The following UMAD1 variants were observed in gnomAD, a reference collection of about 807,000 sequenced individuals.
UMAD1 encodes the protein UBAP1-MVB12-associated (UMA)-domain containing protein 1.
Under a neutral mutation model 6.1 loss-of-function variants are expected in UMAD1, and 8 were observed. The ratio of observed to expected loss-of-function variants is 1.30; its 90% CI spans 0.76 to 2.35. UMAD1 has a LOEUF of 2.35. UMAD1 is among the 30% of genes most tolerant of loss of function. UMAD1 has a pLI of 0.00. For synonymous variants in UMAD1, 56 were observed against 31.4 expected (o/e 1.78, Z -2.61); for missense variants, 130 against 78.4 (o/e 1.66, Z -2.49).
chr7:7,671,287 G>A (rs1298256191), intron 1 of UMAD1, among the ~76,000 whole-genome samples: 1 of 152,096 alleles, frequency 6.6e-6, no homozygotes, highest in Non-Finnish European at 1.5e-5. Context: ...TCACCTCTGT[G>A]CATGCCCCCC....
rs1475414316 is a variant in UMAD1, at chr7:7,878,752, T to C, written c.*1214T>C. 1.3e-5 allele frequency: 2 copies of C among 152,222 alleles called. No homozygotes were observed. The highest frequency in any genetic ancestry group is 3.8e-4 in the East Asian group (2 of 5,200). The allele number at this position is 152,222 out of a possible 1,614,324, so 9.4% of individuals were successfully genotyped here. On this transcript the variant is annotated 3_prime_UTR_variant, in exon 4 of 4. Transcript: ENST00000682710. ...ATAAAGGTACATGAATTATTCCAGT[T>C]TTAAAGTATTATGCATGTTTGTTTA... is the stretch of plus-strand genomic sequence containing the variant.
At chr7:7,737,189 C>T (rs988732729) in intron 2 of UMAD1, among the ~76,000 whole-genome samples, 7 of 152,210 alleles carry the variant, frequency 4.6e-5, no homozygotes, top group African/African-American at 1.7e-4. Flanking sequence ...CTAAGTCAGT[C>T]CCTTGGAGCT....
At chr7:7,655,607 T>G (rs142920835) in intron 1 of UMAD1, among the ~76,000 whole-genome samples, 21 of 152,310 alleles carry the variant, frequency 1.4e-4, no homozygotes, top group African/African-American at 5.1e-4. Flanking sequence ...CTCAGTTGGC[T>G]GAAAGCATCT....
intron 3 of UMAD1, among the ~76,000 whole-genome samples, chr7:7,848,616 G>C (rs1234308448): frequency 2.6e-5 from 4 of 152,048 alleles, no homozygotes; most frequent in African/African-American, 9.7e-5. Flanking sequence ...ATTTTTCTGA[G>C]CATTGTTAAA....
chr7:7,710,123 T>C (rs1780716795), intron 2 of UMAD1, among the ~76,000 whole-genome samples: 1 of 152,222 alleles, frequency 6.6e-6, no homozygotes, highest in African/African-American at 2.4e-5. Flanking sequence ...CTATGTATCT[T>C]TAGTTCTTTC....
intron 2 of UMAD1, chr7:7,741,198 T>G (rs4725019): frequency 0.21 from 31,978 of 152,030 alleles, 3,865 homozygotes; most frequent in African/African-American, 0.34. Flanking sequence ...AGTAAGTCTT[T>G]ATAAAGTTTC....
chr7:7,831,245 G>T (rs1280191014), intron 3 of UMAD1, among the ~76,000 whole-genome samples: 2 of 152,116 alleles, frequency 1.3e-5, no homozygotes, highest in Non-Finnish European at 2.9e-5. Context: ...CTTAAAAGTT[G>T]CTGTCGCCAG....
chr7:7,810,902 C>A (rs936422249), intron 3 of UMAD1, among the ~76,000 whole-genome samples: 1 of 152,192 alleles, frequency 6.6e-6, no homozygotes, highest in African/African-American at 2.4e-5. Context: ...AGTACCACAT[C>A]TGACCACAAT....
chr7:7,813,050 C>T (rs1214026843), intron 3 of UMAD1, among the ~76,000 whole-genome samples: 1 of 152,194 alleles, frequency 6.6e-6, no homozygotes, highest in African/African-American at 2.4e-5. Context: ...GAATATTCCA[C>T]TTTGTACCTA....
intron 3 of UMAD1, among the ~76,000 whole-genome samples, chr7:7,807,557 A>G (rs962644871): frequency 1.3e-5 from 2 of 152,092 alleles, no homozygotes; most frequent in African/African-American, 4.8e-5. Flanking sequence ...TGTGTTCTCC[A>G]TTCAAGTACA....
intron 1 of UMAD1, among the ~76,000 whole-genome samples, chr7:7,642,143 A>AT (rs542199324): frequency 0.012 from 1,809 of 151,174 alleles, 33 homozygotes; most frequent in African/African-American, 0.018. Context: ...CTTTAATAGC[A>AT]TTTTTTTTTG....
chr7:7,725,572 C>G (rs1781123835), intron 2 of UMAD1, among the ~76,000 whole-genome samples: 1 of 152,166 alleles, frequency 6.6e-6, no homozygotes, highest in African/African-American at 2.4e-5. Flanking sequence ...GAACGTTTGA[C>G]TATGGATCAT....
intron 2 of UMAD1, among the ~76,000 whole-genome samples, chr7:7,747,774 C>G (rs1031435329): frequency 1.3e-5 from 2 of 152,128 alleles, no homozygotes; most frequent in East Asian, 3.9e-4. Context: ...TAATGGAAAA[C>G]TTAGTCTTCA....
At chr7:7,726,112 T>C in intron 2 of UMAD1, among the ~76,000 whole-genome samples, 1 of 152,152 alleles carries the variant, frequency 6.6e-6, no homozygotes, top group East Asian at 1.9e-4. Flanking sequence ...GGAAGAAGCA[T>C]GATTGGAAAA....
chr7:7,851,346 G>A (rs1045753085), intron 3 of UMAD1, among the ~76,000 whole-genome samples: 3 of 151,984 alleles, frequency 2.0e-5, no homozygotes, highest in African/African-American at 7.3e-5. Flanking sequence ...TTTGACTATT[G>A]TAAATAATAC....
chr7:7,778,528 A>G (rs981293858), intron 2 of UMAD1, among the ~76,000 whole-genome samples: 3 of 151,604 alleles, frequency 2.0e-5, no homozygotes, highest in African/African-American at 4.9e-5. Flanking sequence ...TGATCATCCA[A>G]TCTTAGCCTC....
At chr7:7,852,032 T>G (rs1563259946) in intron 3 of UMAD1, among the ~76,000 whole-genome samples, 1 of 152,174 alleles carries the variant, frequency 6.6e-6, no homozygotes. Context: ...TTGATCAACT[T>G]TGAGTTAATT....
intron 3 of UMAD1, among the ~76,000 whole-genome samples, chr7:7,867,093 G>C (rs6463739): frequency 0.46 from 69,427 of 151,980 alleles, 16,803 homozygotes; most frequent in African/African-American, 0.61. Context: ...TTCACTGATA[G>C]AGAAAATATT....
chr7:7,786,250 T>A (rs1160239528), intron 2 of UMAD1, among the ~76,000 whole-genome samples: 4 of 152,248 alleles, frequency 2.6e-5, no homozygotes, highest in Admixed American at 2.6e-4. Flanking sequence ...TTCCTCAGTG[T>A]TTCCATGACC....
Sources: gnomAD v4.1 joint callset for allele counts (sites outside exome capture counted in the v4.1 genomes callset) on GRCh38, gnomAD v4.1.1 for gene constraint, MANE v1.5 for transcripts, NCBI Gene and HGNC (gene_info 2026-07-23, HGNC 2026-07-21) for gene names.